The following CRYBG1 variants were observed in gnomAD, a reference collection of about 807,000 sequenced individuals.
CRYBG1 encodes beta/gamma crystallin domain-containing protein 1.
In CRYBG1, 139 loss-of-function variants were observed where a neutral mutation model predicts 189.2. The ratio of observed to expected loss-of-function variants is 0.73; its 90% confidence interval spans 0.64 to 0.85. CRYBG1 has a LOEUF of 0.85. Ranked by LOEUF, CRYBG1 falls within the 40% of genes least tolerant of loss-of-function variation. The pLI is 0.00. For synonymous variants in CRYBG1, 1,023 were observed against 1,017.1 expected, an observed-to-expected ratio of 1.01 and a Z score of -0.11; for missense variants, 2,611 against 2,675.8, an observed-to-expected ratio of 0.98 and a Z score of 0.53.
intron 1 of CRYBG1, among the ~76,000 whole-genome samples, chr6:106,382,862 T>G (rs1770311994): frequency 6.6e-6 from 1 of 152,226 alleles, no homozygotes; most frequent in Non-Finnish European, 1.5e-5. Flanking sequence ...TAACATTACC[T>G]GATGAATCAT....
chr6:106,364,826 T>G (rs1226266976), intron 1 of CRYBG1, among the ~76,000 whole-genome samples: 3 of 152,374 alleles, frequency 2.0e-5, no homozygotes, highest in East Asian at 3.9e-4. Context: ...AATCCTATCA[T>G]CCTAGGAAAG....
At chr6:106,556,893 G>A (rs1316256801) in intron 17 of CRYBG1, among the ~76,000 whole-genome samples, 1 of 152,160 alleles carries the variant, frequency 6.6e-6, no homozygotes, top group Non-Finnish European at 1.5e-5. Context: ...TAATGAATAA[G>A]ACTTTGATTG....
rs554640570 is a variant in CRYBG1, at chr6:106,547,214, C to T, written c.5312+2281C>T. The stretch of plus-strand genomic sequence containing the variant: ...CACACACACACACACACACACACAC[C>T]ACTTCCTTTGAAATTCTTTGCATAT... On this transcript the variant is annotated intron_variant, in intron 13 of 21. Coordinates refer to ENST00000633556, the MANE Select transcript of CRYBG1 (RefSeq NM_001371242.2). Among the ~76,000 whole-genome samples, 586 of 125,924 alleles carry T rather than the reference C, an allele frequency of 4.7e-3. 6 individuals carry two copies. The highest frequency in any genetic ancestry group is 0.017 in the African/African-American group (553 of 33,468). The allele number at this position is 125,924 out of a possible 152,430, so 82.6% of individuals were successfully genotyped here. A position where few individuals can be genotyped will look rare whatever the true frequency, so the allele number is the denominator to read the frequency against.
At chr6:106,503,699 T>G (rs1049350517) in intron 2 of CRYBG1, among the ~76,000 whole-genome samples, 1 of 152,214 alleles carries the variant, frequency 6.6e-6, no homozygotes, top group Non-Finnish European at 1.5e-5. Flanking sequence ...TCTTATCTTT[T>G]ATCTTCCTTT....
chr6:106,497,607 A>T (rs1228469271), intron 2 of CRYBG1, among the ~76,000 whole-genome samples: 1 of 152,274 alleles, frequency 6.6e-6, no homozygotes, highest in Admixed American at 6.5e-5. Flanking sequence ...TACAGCCCAA[A>T]GGAACAGAAC....
At chr6:106,451,951 A>C in intron 2 of CRYBG1, 119 bp downstream of exon 2, 9 of 544,680 alleles carry the variant, frequency 1.7e-5, no homozygotes, top group Non-Finnish European at 2.4e-5. Flanking sequence ...ATTGTATATC[A>C]TAAATTATAT....
At position 106,483,967 on chromosome 6, in the gene CRYBG1, G is replaced by A. The variant is rs559801019; in HGVS notation, c.313-27463G>A. 1.6e-4 allele frequency among the ~76,000 whole-genome samples: 25 copies of A among 152,192 alleles called. No homozygotes were observed. The South Asian group carries it at 5.2e-3, about 32-fold the overall frequency. On this transcript the variant is annotated intron_variant, in intron 2 of 21. Coordinates refer to ENST00000633556, the MANE Select transcript of CRYBG1 (RefSeq NM_001371242.2). ...TTTCCTCTACATTTTCTTCTAGTAG[G>A]TTCATAGTTTTGGGTTTTACATTTA...
chr6:106,483,241 A>G (rs1772508092), intron 2 of CRYBG1, among the ~76,000 whole-genome samples: 1 of 151,794 alleles, frequency 6.6e-6, no homozygotes, highest in Non-Finnish European at 1.5e-5. Context: ...AAGTGAGGTC[A>G]TGTGATATTT....
At chr6:106,519,010 A>ACACAC in intron 3 of CRYBG1, 121 bp from the exon 4 acceptor site, 3 of 832,340 alleles carry the variant, frequency 3.6e-6, no homozygotes, top group Non-Finnish European at 5.3e-6. Flanking sequence ...CACACACACC[A>ACACAC]CACTCCAAAT....
intron 2 of CRYBG1, among the ~76,000 whole-genome samples, chr6:106,486,536 G>A (rs1358515318): frequency 6.6e-6 from 1 of 152,038 alleles, no homozygotes; most frequent in East Asian, 1.9e-4. Context: ...TAGTGTTGAA[G>A]CCCACTATGA....
rs533661067 is a variant in CRYBG1, at chr6:106,542,114, A to G, written c.4881+493A>G. 7.4e-5 allele frequency among the ~76,000 whole-genome samples: 11 copies of G among 148,096 alleles called. No individual in the cohort carries two copies. In the South Asian group the frequency reaches 2.4e-3, roughly 32 times the overall value. Reference sequence around the variant, plus strand: ...CTATGTGGTTCTAAATATCAGTTTTATATATACATATATATGTGTGTGTGT... The same window carrying G: ...CTATGTGGTTCTAAATATCAGTTTTGTATATACATATATATGTGTGTGTGT... On this transcript the variant is annotated intron_variant, in intron 10 of 21. Transcript: ENST00000633556.
rs1213219356 is a variant in CRYBG1 at position 106,361,063 on chromosome 6, C to G, written c.155C>G (p.Ala52Gly). 6.5e-7 allele frequency: 1 copy of G among 1,534,922 alleles called. No individual in the cohort carries two copies. Among genetic ancestry groups the G allele is most frequent in the Admixed American group, 2.0e-5 (1 of 50,946 alleles). The change falls in exon 1 of 22, where the codon GCG becomes GGG. Residue 52 changes from alanine (A) to glycine (G), a missense_variant. This residue lies in a region of CRYBG1 where 985 missense variants were observed against 924.4 expected (regional missense o/e 1.07). Coordinates refer to ENST00000633556, the MANE Select transcript of CRYBG1 (RefSeq NM_001371242.2). Reference sequence around the variant, plus strand: ...GTGTTCGTTCCGCACCCGCTCCCGGCGCCTGCCGGAGAGGCCAGGTGAGCT... The same window carrying G: ...GTGTTCGTTCCGCACCCGCTCCCGGGGCCTGCCGGAGAGGCCAGGTGAGCT... ...CGVFVPHPLP[A>G]PAGEARALDV...
At chr6:106,425,820 G>A (rs1771213950) in intron 1 of CRYBG1, among the ~76,000 whole-genome samples, 1 of 152,010 alleles carries the variant, frequency 6.6e-6, no homozygotes, top group Admixed American at 6.6e-5. Flanking sequence ...TATATTTTCA[G>A]TAGAGACAGG....
chr6:106,424,335 T>A (rs189530326), intron 1 of CRYBG1, among the ~76,000 whole-genome samples: 5 of 152,298 alleles, frequency 3.3e-5, no homozygotes, highest in African/African-American at 9.6e-5. Flanking sequence ...TATATTTCAA[T>A]AAAAACCTAA....
intron 4 of CRYBG1, among the ~76,000 whole-genome samples, chr6:106,523,694 C>T (rs1381908785): frequency 6.7e-6 from 1 of 148,964 alleles, no homozygotes; most frequent in East Asian, 1.9e-4. Context: ...TATATACCAT[C>T]TGGCTTCTGA....
intron 2 of CRYBG1, among the ~76,000 whole-genome samples, chr6:106,501,691 G>A (rs570933019): frequency 5.9e-5 from 9 of 152,196 alleles, no homozygotes; most frequent in Non-Finnish European, 1.3e-4. Flanking sequence ...GAGAATAAGT[G>A]ATTTGATCCC....
intron 1 of CRYBG1, among the ~76,000 whole-genome samples, chr6:106,381,972 T>C (rs920214517): frequency 3.3e-5 from 5 of 152,094 alleles, no homozygotes; most frequent in Non-Finnish European, 7.4e-5. Context: ...GGAAGATAGA[T>C]ATGCACTCAC....
intron 18 of CRYBG1, among the ~76,000 whole-genome samples, chr6:106,559,303 A>T (rs1774639406): frequency 6.6e-6 from 1 of 152,222 alleles, no homozygotes; most frequent in South Asian, 2.1e-4. Flanking sequence ...ACAAATGATT[A>T]AAGGTCAACT....
At position 106,520,884 on chromosome 6, in the gene CRYBG1, G is replaced by A. The variant is rs779772953; in HGVS notation, c.3676G>A (p.Asp1226Asn). The change falls in exon 4 of 22, where the codon GAC becomes AAC. Residue 1226 changes from aspartate to asparagine, a missense_variant. This residue lies in a region of CRYBG1 where 1,622 missense variants were observed against 1,735.0 expected (regional missense o/e 0.93). Coordinates refer to ENST00000633556, the MANE Select transcript of CRYBG1 (RefSeq NM_001371242.2). ...MPEINDKENR[D>N]VTNGGIKRSR... is the part of the protein sequence containing the mutation. ...GGAAATCAATGACAAAGAGAACAGG[G>A]ACGTCACAAATGGTGGCATTAAGAG... 54 of 1,614,024 alleles carry A rather than the reference G, an allele frequency of 3.3e-5. No homozygotes were observed. Among genetic ancestry groups the A allele is most frequent in the Middle Eastern group, 1.6e-4 (1 of 6,084 alleles).
Sources: allele counts gnomAD v4.1 joint callset (sites outside exome capture counted in the v4.1 genomes callset), GRCh38; gene constraint gnomAD v4.1.1; regional missense constraint gnomAD v4.1.1; transcripts MANE v1.5; gene names NCBI Gene and HGNC (gene_info 2026-07-23, HGNC 2026-07-21).